NME5: variants seen among roughly 807,000 people sequenced by gnomAD.
NME5 encodes the protein nucleoside diphosphate kinase 5.
NME5 carries 18 observed loss-of-function variants against 21.6 expected under a neutral mutation model. The observed-to-expected ratio is 0.83, with a 90% CI of 0.58 to 1.24. The LOEUF (loss-of-function observed/expected upper bound fraction) is 1.24. Among genes scored for constraint, NME5 ranks in the 50% most tolerant of loss-of-function variants. The pLI is 0.00. For missense variants in NME5, 223 were observed against 255.4 expected (o/e 0.87, Z 0.86); for synonymous variants, 70 against 80.6 (o/e 0.87, Z 0.71).
At chr5:138,133,917 C>T (rs765462155) in intron 2 of NME5, among the ~76,000 whole-genome samples, 10 of 146,752 alleles carry the variant, frequency 6.8e-5, no homozygotes, top group Non-Finnish European at 1.3e-4. Context: ...GATGGTTGTA[C>T]AACAATGTGA....
intron 2 of NME5, among the ~76,000 whole-genome samples, chr5:138,137,157 C>T (rs1326689972): frequency 6.6e-6 from 1 of 151,930 alleles, no homozygotes; most frequent in African/African-American, 2.4e-5. Context: ...CAGTGGCTAC[C>T]AGTTTTCCTA....
chr5:138,131,169 C>T (rs1751556777), intron 2 of NME5, among the ~76,000 whole-genome samples: 1 of 141,734 alleles, frequency 7.1e-6, no homozygotes, highest in African/African-American at 2.7e-5. Flanking sequence ...GAGTTCAAGA[C>T]CAGCCTGGCC....
chr5:138,131,705 T>C (rs1293930354), intron 2 of NME5, among the ~76,000 whole-genome samples: 1 of 152,066 alleles, frequency 6.6e-6, no homozygotes, highest in Non-Finnish European at 1.5e-5. Flanking sequence ...TTGAAACTCA[T>C]GCTTTCTCTA....
chr5:138,128,535 T>C lies in NME5; in HGVS notation c.380A>G (p.His127Arg). ...CGCAGCAGCAAAGTCATTACTCCCA[T>C]GAAGTGCATTCCTTAGGTCATCTGT... ...YGTDDLRNAL[H>R]GSNDFAAAER... The change falls in exon 4 of 6, where the codon CAT (histidine) becomes CGT (arginine). Residue 127 changes from histidine (H) to arginine (R), a missense_variant. His to Arg is a conservative substitution (Grantham distance 29). Transcript: ENST00000265191. The C allele has an allele frequency of 6.2e-7, 1 of 1,613,124 alleles. No homozygotes were observed. The highest frequency in any genetic ancestry group is 1.7e-5 in the Admixed American group (1 of 59,628).
chr5:138,132,470 T>C (rs915717015), intron 2 of NME5, among the ~76,000 whole-genome samples: 13 of 152,176 alleles, frequency 8.5e-5, no homozygotes, highest in Non-Finnish European at 2.9e-5. Flanking sequence ...AACCTCTGCC[T>C]GCAGTAAGGA....
At chr5:138,117,931 C>T (rs376540861) in intron 5 of NME5, among the ~76,000 whole-genome samples, 12 of 151,754 alleles carry the variant, frequency 7.9e-5, no homozygotes, top group Non-Finnish European at 1.2e-4. Flanking sequence ...TTGCAGTGAG[C>T]CCAGATTGCG....
chr5:138,132,197 A>C (rs919146753), intron 2 of NME5, among the ~76,000 whole-genome samples: 2 of 152,184 alleles, frequency 1.3e-5, no homozygotes, highest in African/African-American at 4.8e-5. Flanking sequence ...CCGTCTCTAC[A>C]AAAAATACAA....
intron 5 of NME5, among the ~76,000 whole-genome samples, chr5:138,117,830 A>G (rs1028071962): frequency 1.3e-5 from 2 of 151,886 alleles, no homozygotes; most frequent in African/African-American, 4.8e-5. Flanking sequence ...TAAAAATACA[A>G]AAATTACCCG....
At chr5:138,117,027 G>C (rs1242437176) in intron 5 of NME5, among the ~76,000 whole-genome samples, 1 of 151,742 alleles carries the variant, frequency 6.6e-6, no homozygotes, top group Non-Finnish European at 1.5e-5. Context: ...GGGCAACATA[G>C]GGAGACCCCA....
At chr5:138,130,509 C>T (rs1229809490) in intron 2 of NME5, among the ~76,000 whole-genome samples, 1 of 152,134 alleles carries the variant, frequency 6.6e-6, no homozygotes, top group Non-Finnish European at 1.5e-5. Context: ...AAAAATTAGG[C>T]CAGGCATGGT....
At chr5:138,122,440 C>CAAAAAAAAAAAAA (rs1360335135) in intron 4 of NME5, among the ~76,000 whole-genome samples, 1 of 20,938 alleles carries the variant, frequency 4.8e-5, no homozygotes, top group Non-Finnish European at 8.0e-5. Context: ...AACTCTGTCT[C>CAAAAAAAAAAAAA]TAAAAAAAAA....
intron 2 of NME5, chr5:138,138,266 G>C (rs766195864): frequency 6.3e-6 from 1 of 159,882 alleles, no homozygotes; most frequent in Admixed American, 6.5e-5. Context: ...AAATTAGGAA[G>C]AGTGAGATCA....
At chr5:138,129,107 C>T (rs1751498066) in intron 3 of NME5, among the ~76,000 whole-genome samples, 156 bp downstream of exon 3, 1 of 150,496 alleles carries the variant, frequency 6.6e-6, no homozygotes, top group South Asian at 2.1e-4. Flanking sequence ...GTAAAATGGA[C>T]CCCCCAGGCC....
At chr5:138,134,687 A>C (rs1346933249) in intron 2 of NME5, among the ~76,000 whole-genome samples, 1 of 151,372 alleles carries the variant, frequency 6.6e-6, no homozygotes, top group Non-Finnish European at 1.5e-5. Flanking sequence ...GCTAATTTTT[A>C]ATTTATAATT....
chr5:138,138,821 T>G, intron 1 of NME5, 36 bp from the exon 2 acceptor site: 6 of 1,577,210 alleles, frequency 3.8e-6, no homozygotes, highest in Non-Finnish European at 5.1e-6. Flanking sequence ...TCTTAACAGG[T>G]ATCAACTGCA....
chr5:138,124,694 T>A (rs217277), intron 4 of NME5, among the ~76,000 whole-genome samples: 44,533 of 151,868 alleles, frequency 0.29, 7,502 homozygotes, highest in South Asian at 0.42. Context: ...CTAATTTTTT[T>A]ATTTTTGGTA....
chr5:138,134,290 C>T (rs1163626783), intron 2 of NME5, among the ~76,000 whole-genome samples: 1 of 152,068 alleles, frequency 6.6e-6, no homozygotes, highest in African/African-American at 2.4e-5. Flanking sequence ...GTTGCCCAGG[C>T]TGGAGTGCAG....
rs79123488 is a variant in NME5, at chr5:138,127,268, G to A, written c.436+1211C>T. Among the ~76,000 whole-genome samples the A allele has an allele frequency of 6.7e-3, 1,015 of 152,164 alleles. 7 individuals carry two copies. The highest frequency in any genetic ancestry group is 0.02 in the Middle Eastern group (6 of 294). ...CCCATTGTCAGGTCAGCATCAGGCC[G>A]TTACCGACCCTGTTGGCACTAAAAA... On this transcript the variant is annotated intron_variant, in intron 4 of 5. Coordinates refer to ENST00000265191, the MANE Select transcript of NME5 (RefSeq NM_003551.3).
chr5:138,127,456 C>G (rs2151163927), intron 4 of NME5: 1 of 977,108 alleles, frequency 1.0e-6, no homozygotes, highest in South Asian at 4.7e-5. Flanking sequence ...AGACAGTTTT[C>G]TGTTTTATTT....
Sources: gnomAD v4.1 joint callset for allele counts (sites outside exome capture counted in the v4.1 genomes callset) on GRCh38, gnomAD v4.1.1 for gene constraint, MANE v1.5 for transcripts, NCBI Gene and HGNC (gene_info 2026-07-23, HGNC 2026-07-21) for gene names.